CUL1: variants seen among roughly 807,000 people sequenced by gnomAD.
CUL1 encodes cullin-1.
A neutral mutation model predicts 118.0 loss-of-function variants in CUL1; 24 were observed. That is an observed-to-expected ratio of 0.20 (90% CI 0.15 to 0.29). CUL1 has a LOEUF of 0.29. Ranked by LOEUF, CUL1 falls within the 10% of genes least tolerant of loss-of-function variation. The pLI, the probability that CUL1 is intolerant of heterozygous loss-of-function variation, is 1.00. For synonymous variants in CUL1, 332 were observed against 340.4 expected (o/e 0.98, Z 0.27); for missense variants, 361 against 933.8 (o/e 0.39, Z 7.99).
At position 148,787,138 on chromosome 7, in the gene CUL1, C is replaced by T; in HGVS notation, c.1479+18C>T. 1 of 1,611,602 alleles carries T rather than the reference C, an allele frequency of 6.2e-7. No homozygotes were observed. The highest frequency in any genetic ancestry group is 8.5e-7 in the Non-Finnish European group (1 of 1,178,810). ...AGTTAAAGGTGAGTTTCATCTTTTC[C>T]TGAAAAATCCCAGCTTCTGAGTCAT... On this transcript the variant is annotated intron_variant, in intron 13 of 21. Coordinates refer to ENST00000325222, the MANE Select transcript of CUL1 (RefSeq NM_003592.3). The surrounding 1 kb of genome is among the most constrained non-coding windows in gnomAD (Gnocchi z 5.5).
At chr7:148,797,140 T>A (rs1005372398) in intron 17 of CUL1, among the ~76,000 whole-genome samples, 7 of 152,262 alleles carry the variant, frequency 4.6e-5, no homozygotes, top group Admixed American at 4.6e-4. Context: ...CAAAGGCAAG[T>A]TGACAAGGTC....
intron 1 of CUL1, among the ~76,000 whole-genome samples, chr7:148,729,656 A>T (rs1798693038): frequency 6.6e-6 from 1 of 152,036 alleles, no homozygotes; most frequent in South Asian, 2.1e-4. Flanking sequence ...TGTCTTTCTA[A>T]TTGTCATCTA....
At chr7:148,773,089 GT>G (rs1260502387) in intron 9 of CUL1, among the ~76,000 whole-genome samples, 1 of 152,064 alleles carries the variant, frequency 6.6e-6, no homozygotes, top group Non-Finnish European at 1.5e-5. Flanking sequence ...ATAATTAGCA[GT>G]TTCGTCTTTC....
intron 4 of CUL1, among the ~76,000 whole-genome samples, chr7:148,757,699 C>T (rs927544679): frequency 6.6e-6 from 1 of 152,176 alleles, no homozygotes; most frequent in African/African-American, 2.4e-5. Flanking sequence ...CTGATAAAGA[C>T]CTACCTGAGA....
chr7:148,784,127 T>C (rs1306935271), intron 11 of CUL1, 50 bp downstream of exon 11: 1 of 1,415,630 alleles, frequency 7.1e-7, no homozygotes, highest in East Asian at 2.3e-5. Flanking sequence ...AAATCTCAGC[T>C]TTTATATGAG....
At chr7:148,716,315 G>A (rs1423268515) in intron 1 of CUL1, among the ~76,000 whole-genome samples, 2 of 152,104 alleles carry the variant, frequency 1.3e-5, no homozygotes, top group East Asian at 1.9e-4. Context: ...GTGTTGATGA[G>A]CATAAATGAT....
At chr7:148,770,365 C>T (rs1209313486) in intron 9 of CUL1, among the ~76,000 whole-genome samples, 1 of 152,196 alleles carries the variant, frequency 6.6e-6, no homozygotes, top group African/African-American at 2.4e-5. Context: ...TTGCATCTGC[C>T]TTCACTCACA....
chr7:148,799,455 TG>T, intron 21 of CUL1, 67 bp downstream of exon 21: 1 of 1,071,550 alleles, frequency 9.3e-7, no homozygotes. Context: ...TAGCAAAAAG[TG>T]GATTGATTGC....
intron 2 of CUL1, among the ~76,000 whole-genome samples, chr7:148,746,567 A>G (rs1799315432): frequency 1.3e-5 from 2 of 152,336 alleles, no homozygotes; most frequent in South Asian, 2.1e-4. Flanking sequence ...TCGGAGGACA[A>G]CGTTATGTGG....
intron 19 of CUL1, 103 bp downstream of exon 19, chr7:148,798,122 C>G (rs1291041693): frequency 4.3e-5 from 29 of 668,984 alleles, no homozygotes; most frequent in Non-Finnish European, 7.3e-5. Context: ...AGACCGGGGA[C>G]TCAGTGTGAA....
At chr7:148,745,609 A>T (rs1056283097) in intron 2 of CUL1, among the ~76,000 whole-genome samples, 14 of 152,224 alleles carry the variant, frequency 9.2e-5, no homozygotes, top group African/African-American at 3.4e-4. Context: ...GAGGCTCCAT[A>T]GTGACTATTA....
At chr7:148,712,339 G>T (rs529164894) in intron 1 of CUL1, among the ~76,000 whole-genome samples, 1 of 152,306 alleles carries the variant, frequency 6.6e-6, no homozygotes, top group East Asian at 1.9e-4. Context: ...AAGATAGAGT[G>T]ATATTTCAAG....
At chr7:148,753,895 A>G (rs1444735310) in intron 2 of CUL1, 81 bp from the exon 3 acceptor site, 1 of 1,071,924 alleles carries the variant, frequency 9.3e-7, no homozygotes, top group African/African-American at 1.6e-5. Context: ...ATGCATTGGT[A>G]ATGAAATATA....
rs552692467 is a variant in CUL1 at position 148,707,094 on chromosome 7, T to A, written c.-162+8065T>A. Among the ~76,000 whole-genome samples, 4 of 152,304 alleles carry A rather than the reference T, an allele frequency of 2.6e-5. No homozygotes were observed. The South Asian group carries it at 8.3e-4, about 32-fold the overall frequency. ...ACTCCTAATTTAATAAGAAATTACC[T>A]TTGAAGGAAGAAAACTCCCCTACCA... On this transcript the variant is annotated intron_variant, in intron 1 of 21. Coordinates refer to ENST00000325222, the MANE Select transcript of CUL1 (RefSeq NM_003592.3).
chr7:148,715,997 A>G (rs1238391183), intron 1 of CUL1, among the ~76,000 whole-genome samples: 1 of 152,212 alleles, frequency 6.6e-6, no homozygotes, highest in Non-Finnish European at 1.5e-5. Context: ...CTGGATGATC[A>G]TCCTGTAATC....
intron 1 of CUL1, among the ~76,000 whole-genome samples, chr7:148,717,605 C>CT (rs920486840): frequency 1.3e-4 from 20 of 152,026 alleles, no homozygotes; most frequent in African/African-American, 4.1e-4. Context: ...TTCCATAACT[C>CT]TGTCACCCTC....
intron 1 of CUL1, among the ~76,000 whole-genome samples, chr7:148,710,841 G>A (rs566053191): frequency 6.6e-6 from 1 of 151,836 alleles, no homozygotes; most frequent in East Asian, 2.0e-4. Context: ...TTTTTTTTGT[G>A]TGTTTTTAGT....
At chr7:148,762,900 A>G (rs1257839494) in intron 7 of CUL1, among the ~76,000 whole-genome samples, 2 of 152,236 alleles carry the variant, frequency 1.3e-5, no homozygotes, top group Non-Finnish European at 2.9e-5. Context: ...TGATCCTAGC[A>G]CTTTGGGAGG....
intron 9 of CUL1, among the ~76,000 whole-genome samples, chr7:148,781,739 T>G (rs899704890): frequency 2.6e-5 from 4 of 152,046 alleles, no homozygotes; most frequent in African/African-American, 9.7e-5. Flanking sequence ...GGAATGAGGG[T>G]GAAGGCGTGT....
Sources: gnomAD v4.1 joint callset for allele counts (sites outside exome capture counted in the v4.1 genomes callset) on GRCh38, gnomAD v4.1.1 for gene constraint, Gnocchi (gnomAD v3.1) non-coding constraint, MANE v1.5 for transcripts, NCBI Gene and HGNC (gene_info 2026-07-23, HGNC 2026-07-21) for gene names.